Variants in HEXIM2 observed in about 807,000 individuals in gnomAD.
HEXIM2 encodes protein HEXIM2.
For synonymous variants in HEXIM2, 159 were observed against 162.7 expected (o/e 0.98, Z 0.17); for missense variants, 413 against 390.8 (o/e 1.06, Z -0.48).
chr17:45,160,567 T>C (rs562787456), upstream of HEXIM2: 3 of 223,544 alleles, frequency 1.3e-5, no homozygotes, highest in Admixed American at 1.5e-4. Flanking sequence ...TGCAAGCAGA[T>C]GTTGATGAAG....
intron 3 of HEXIM2, among the ~76,000 whole-genome samples, chr17:45,167,040 A>AAAAAG (rs2042869419): frequency 7.1e-6 from 1 of 141,268 alleles, no homozygotes; most frequent in Admixed American, 7.2e-5. Context: ...AAAAAAAAAA[A>AAAAAG]AAAGCCCAGG....
At chr17:45,162,905 C>A in intron 3 of HEXIM2, 46 bp downstream of exon 3, 1 of 1,269,100 alleles carries the variant, frequency 7.9e-7, no homozygotes, top group South Asian at 1.2e-5. Context: ...GAGCACGGGT[C>A]CCACAGCTGA....
upstream of HEXIM2, among the ~76,000 whole-genome samples, chr17:45,160,495 C>T (rs150285136): frequency 9.9e-5 from 15 of 152,094 alleles, no homozygotes; most frequent in East Asian, 2.7e-3. Context: ...GTTCGTTTTT[C>T]CCTCTAGGAG....
chr17:45,169,583 A>T lies in HEXIM2; in HGVS notation c.635A>T (p.Glu212Val). 6.5e-7 allele frequency: 1 copy of T among 1,545,844 alleles called. No individual in the cohort carries two copies. Among genetic ancestry groups the T allele is most frequent in the Non-Finnish European group, 8.7e-7 (1 of 1,145,388 alleles). ...TESLQGRSKQ[E>V]LVRDYLELEK... ...AGCCTGCAGGGCCGCAGCAAGCAGG[A>T]GCTGGTGCGAGACTACCTGGAGCTG... is the stretch of plus-strand genomic sequence containing the variant. Residue 212 changes from glutamate to valine, a missense_variant, in exon 4 of 4, where the codon GAG (glutamate) becomes GTG (valine). By Grantham distance (121) the Glu-to-Val change is moderately radical. Transcript: ENST00000589230.
chr17:45,169,902 A>ACGGCG lies in HEXIM2; in HGVS notation c.*93_*94insCGGCG. ...CTCAAGGAGGCAGGTGGCAGATGAA[A>ACGGCG]ACCACCGTCAACACCCTGTGCGCCC... On this transcript the variant is annotated 3_prime_UTR_variant, in exon 4 of 4. Transcript: ENST00000589230. The ACGGCG allele has an allele frequency of 9.6e-7, 1 of 1,038,296 alleles. No individual in the cohort carries two copies. Among genetic ancestry groups the ACGGCG allele is most frequent in the Non-Finnish European group, 1.3e-6 (1 of 753,676 alleles). 64.3% of individuals were successfully genotyped at this position (1,038,296 alleles called of 1,614,324 possible). A position where few individuals can be genotyped will look rare whatever the true frequency, so the allele number is the denominator to read the frequency against.
In HEXIM2 at chr17:45,162,613, G is replaced by C. The variant is rs755932842; in HGVS notation, c.-67G>C. The C allele has an allele frequency of 8.4e-6, 12 of 1,436,266 alleles. No homozygotes were observed. Among genetic ancestry groups the C allele is most frequent in the Middle Eastern group, 2.6e-4 (1 of 3,854 alleles). 89.0% of individuals were successfully genotyped at this position (1,436,266 alleles called of 1,614,324 possible). ...AAAACCAGCGGTGGAGGCAGCCTTCGGGGCCTGCATTTGAGAATAAGGGTA... is the reference window on the plus strand; with the variant it reads ...AAAACCAGCGGTGGAGGCAGCCTTCCGGGCCTGCATTTGAGAATAAGGGTA... On this transcript the variant is annotated 5_prime_UTR_variant, in exon 2 of 4. Transcript: ENST00000589230.
Position 45,162,876 on chromosome 17 carries a change from C to T in HEXIM2, c.66+17C>T, listed in dbSNP as rs1426602012. 6.5e-7 allele frequency: 1 copy of T among 1,547,572 alleles called. No individual in the cohort carries two copies. Among genetic ancestry groups the T allele is most frequent in the South Asian group, 1.1e-5 (1 of 89,598 alleles). On this transcript the variant is annotated intron_variant, in intron 3 of 3. Transcript: ENST00000589230. Reference sequence around the variant, plus strand: ...GAGGCCAAGGTAAGTCCCTGCCCTCCTGCCCACCCAAGCACCACGAGCACG... The same window carrying T: ...GAGGCCAAGGTAAGTCCCTGCCCTCTTGCCCACCCAAGCACCACGAGCACG...
At chr17:45,167,317 C>G (rs1303026206) in intron 3 of HEXIM2, among the ~76,000 whole-genome samples, 1 of 152,012 alleles carries the variant, frequency 6.6e-6, no homozygotes, top group Non-Finnish European at 1.5e-5. Flanking sequence ...CAGAGCAAGA[C>G]TCTCACACAC....
At chr17:45,168,745 A>G in intron 3 of HEXIM2, 1 of 427,558 alleles carries the variant, frequency 2.3e-6, no homozygotes, top group South Asian at 4.4e-5. Context: ...ACTCCTACTC[A>G]GTGCCAGGTA....
chr17:45,160,900 T>G (rs2042664863), upstream of HEXIM2: 1 of 1,289,392 alleles, frequency 7.8e-7, no homozygotes, highest in Non-Finnish European at 1.0e-6. Context: ...GGGTCGTGGT[T>G]TTTCGCAACC....
At chr17:45,167,171 C>T (rs1215817986) in intron 3 of HEXIM2, among the ~76,000 whole-genome samples, 2 of 150,424 alleles carry the variant, frequency 1.3e-5, no homozygotes, top group Admixed American at 6.7e-5. Context: ...ACTAAAAATA[C>T]TAAAATTAGC....
rs779140604 is a variant in HEXIM2 at position 45,169,517 on chromosome 17, G to A, written c.569G>A (p.Arg190Gln). 6 of 1,602,656 alleles carry A rather than the reference G, an allele frequency of 3.7e-6. 1 individual carries two copies. The Middle Eastern group carries it at 6.6e-4, about 177-fold the overall frequency. ...GGCCGAGCGCACGGTGAGTTCCAGC[G>A]GAAGGACTTCTCTGAGACTTACGAA... ...GRGRAHGEFQ[R>Q]KDFSETYERF... is the part of the protein sequence containing the mutation. The change falls in exon 4 of 4, where the codon CGG becomes CAG. Residue 190 changes from arginine to glutamine, a missense_variant. Transcript: ENST00000589230.
chr17:45,163,477 C>T lies in HEXIM2; in HGVS notation c.66+618C>T, dbSNP rs889845226. Among the ~76,000 whole-genome samples the T allele has an allele frequency of 2.6e-5, 4 of 152,252 alleles. No individual in the cohort carries two copies. The East Asian group carries it at 5.8e-4, about 22-fold the overall frequency. ...ACCCAGGGTTTAAACTTAGGGCCTT[C>T]TGACAACAGAACATTGCCTTGACCT... is the stretch of plus-strand genomic sequence containing the variant. On this transcript the variant is annotated intron_variant, in intron 3 of 3. Transcript: ENST00000589230.
chr17:45,163,325 C>CAAAAAAAA, intron 3 of HEXIM2, among the ~76,000 whole-genome samples: 1 of 78,800 alleles, frequency 1.3e-5, no homozygotes, highest in Non-Finnish European at 2.4e-5. Context: ...GACTCCGTCT[C>CAAAAAAAA]AAAAAAAAAA....
At chr17:45,161,788 G>A (rs1280461690), upstream of HEXIM2, 3 of 978,256 alleles carry the variant, frequency 3.1e-6, no homozygotes, top group East Asian at 3.4e-4. Flanking sequence ...TTGGAGTCTC[G>A]GGTGTGGCTG....
At chr17:45,160,892 G>T (rs1364227698), upstream of HEXIM2, 5 of 1,289,648 alleles carry the variant, frequency 3.9e-6, no homozygotes, top group Non-Finnish European at 5.1e-6. Context: ...GTTTAAGAGG[G>T]TCGTGGTTTT....
Position 45,162,779 on chromosome 17 carries a change from G to C in HEXIM2, c.-15G>C, listed in dbSNP as rs764277840. Reference sequence around the variant, plus strand: ...CACTAGTTCCAGGCGTCTGCTGAAAGATTTGGAACAGAAGATGATGGCCAC... The same window carrying C: ...CACTAGTTCCAGGCGTCTGCTGAAACATTTGGAACAGAAGATGATGGCCAC... On this transcript the variant is annotated 5_prime_UTR_variant, in exon 3 of 4. Transcript: ENST00000589230. 1 of 1,613,998 alleles carries C rather than the reference G, an allele frequency of 6.2e-7. No individual in the cohort carries two copies. The highest frequency in any genetic ancestry group is 8.5e-7 in the Non-Finnish European group (1 of 1,179,978).
chr17:45,168,737 TC>T, intron 3 of HEXIM2: 1 of 406,934 alleles, frequency 2.5e-6, no homozygotes, highest in Non-Finnish European at 4.4e-6. Context: ...TTTATGGAAC[TC>T]CTACTCAGTG....
At chr17:45,165,408 G>T (rs2042813626) in intron 3 of HEXIM2, among the ~76,000 whole-genome samples, 1 of 152,088 alleles carries the variant, frequency 6.6e-6, no homozygotes, top group African/African-American at 2.4e-5. Flanking sequence ...CACCCTGTGT[G>T]CATGGACCAC....
Sources: gnomAD v4.1 joint callset for allele counts (sites outside exome capture counted in the v4.1 genomes callset) on GRCh38, gnomAD v4.1.1 for gene constraint, MANE v1.5 for transcripts, NCBI Gene and HGNC (gene_info 2026-07-23, HGNC 2026-07-21) for gene names.